The following ZNF347 variants were observed in gnomAD, a reference collection of about 807,000 sequenced individuals.
The protein encoded by ZNF347 is zinc finger protein 347.
ZNF347 carries 19 observed loss-of-function variants against 12.9 expected under a neutral mutation model. The observed-to-expected ratio is 1.47, with a 90% CI of 1.03 to 2.16. The LOEUF (loss-of-function observed/expected upper bound fraction) is 2.16. Ranked by LOEUF, ZNF347 falls within the 30% of genes most tolerant of loss-of-function variation. ZNF347 has a pLI of 0.00. For synonymous variants in ZNF347, 328 were observed against 340.6 expected, an observed-to-expected ratio of 0.96 and a Z score of 0.41; for missense variants, 1,005 against 990.6, an observed-to-expected ratio of 1.01 and a Z score of -0.19.
At position 53,148,811 on chromosome 19, in the gene ZNF347, T is replaced by C. The variant is rs1262649035; in HGVS notation, c.143-2A>G. ...TACTGAGGTCAAAACAAGAGATTCC[T>C]GCTTATGAAAAGAAAGGAAAACAAT... is the stretch of plus-strand genomic sequence containing the variant. On this transcript the variant is annotated splice_acceptor_variant, in intron 3 of 4. Coordinates refer to ENST00000334197, the MANE Select transcript of ZNF347 (RefSeq NM_032584.3). LOFTEE classifies it high-confidence loss of function. 1 of 1,612,554 alleles carries C rather than the reference T, an allele frequency of 6.2e-7. No homozygotes were observed. Among genetic ancestry groups the C allele is most frequent in the African/African-American group, 1.3e-5 (1 of 74,930 alleles).
chr19:53,149,411 T>C, intron 2 of ZNF347, 44 bp from the exon 3 acceptor site: 1 of 1,611,032 alleles, frequency 6.2e-7, no homozygotes, highest in Non-Finnish European at 8.5e-7. Context: ...AAGGAAAAGC[T>C]CCAATCTTCA....
chr19:53,153,849 G>T, intron 1 of ZNF347, 56 bp from the exon 2 acceptor site: 2 of 1,368,472 alleles, frequency 1.5e-6, no homozygotes, highest in Non-Finnish European at 2.1e-6. Flanking sequence ...AAAATGTGCT[G>T]TTTATTGCTC....
Position 53,140,816 on chromosome 19 carries a change from T to C in ZNF347, c.2012A>G (p.His671Arg), listed in dbSNP as rs970060564. 6.2e-6 allele frequency: 10 copies of C among 1,613,986 alleles called. No individual in the cohort carries two copies. The highest frequency in any genetic ancestry group is 2.2e-5 in the East Asian group (1 of 44,890). ...TTTACCTCCAGTATGAACTCTCCGA[T>C]GTCTTGCAAGGTGTGAATTCTGAGT... is the stretch of plus-strand genomic sequence containing the variant. ...VFTQNSHLAR[H>R]RRVHTGGKPY... The change falls in exon 5 of 5, where the codon CAT (histidine) becomes CGT (arginine). Residue 671 changes from histidine to arginine, a missense_variant. His to Arg is a conservative substitution (Grantham distance 29, BLOSUM62 0). Transcript: ENST00000334197.
chr19:53,155,655 A>G (rs62115501), intron 1 of ZNF347, among the ~76,000 whole-genome samples: 2 of 152,072 alleles, frequency 1.3e-5, no homozygotes, highest in Non-Finnish European at 2.9e-5. Flanking sequence ...GTCTTAATGG[A>G]GAACACCACT....
At chr19:53,155,470 G>A (rs896504031) in intron 1 of ZNF347, among the ~76,000 whole-genome samples, 2 of 151,770 alleles carry the variant, frequency 1.3e-5, no homozygotes, top group African/African-American at 4.8e-5. Flanking sequence ...GTAGCTGGGA[G>A]CGCAGGTGCA....
At position 53,137,485 on chromosome 19, in the gene ZNF347, G is replaced by A. The variant is rs1484653542; in HGVS notation, c.*2823C>T. On this transcript the variant is annotated 3_prime_UTR_variant, in exon 5 of 5. Coordinates refer to ENST00000334197, the MANE Select transcript of ZNF347 (RefSeq NM_032584.3). ...AAGCCATTTTGGACCAGTTTGGGAA[G>A]TCAATCCTGCTTCTCACAGAAAGCC... is the stretch of plus-strand genomic sequence containing the variant. 6.6e-6 allele frequency: 1 copy of A among 152,150 alleles called. No individual in the cohort carries two copies. The highest frequency in any genetic ancestry group is 1.9e-4 in the East Asian group (1 of 5,182). 9.4% of individuals were successfully genotyped at this position (152,150 alleles called of 1,614,324 possible).
At chr19:53,151,285 C>T (rs1015731321) in intron 2 of ZNF347, among the ~76,000 whole-genome samples, 1 of 152,048 alleles carries the variant, frequency 6.6e-6, no homozygotes, top group African/African-American at 2.4e-5. Context: ...CCTATAATCC[C>T]AGCACTTTGG....
intron 1 of ZNF347, among the ~76,000 whole-genome samples, chr19:53,158,327 A>G (rs928678827): frequency 3.3e-4 from 51 of 152,302 alleles, no homozygotes; most frequent in African/African-American, 1.2e-3. Flanking sequence ...AGGACCAGGC[A>G]GAGGACGCGG....
In ZNF347 at chr19:53,136,895, C is replaced by A. The variant is rs201276976; in HGVS notation, c.*3413G>T. ...TCCCTAACAAAGAAGTTAGAAATTT[C>A]TTTTGTTTTTTTGAGAGTCTCACTC... On this transcript the variant is annotated 3_prime_UTR_variant, in exon 5 of 5. Coordinates refer to ENST00000334197, the MANE Select transcript of ZNF347 (RefSeq NM_032584.3). 1 of 152,042 alleles carries A rather than the reference C, an allele frequency of 6.6e-6. No homozygotes were observed. Among genetic ancestry groups the A allele is most frequent in the Admixed American group, 6.6e-5 (1 of 15,240 alleles). The allele number at this position is 152,042 out of a possible 1,614,324, so 9.4% of individuals were successfully genotyped here.
At chr19:53,155,755 G>A (rs182658511) in intron 1 of ZNF347, among the ~76,000 whole-genome samples, 3 of 152,088 alleles carry the variant, frequency 2.0e-5, no homozygotes, top group African/African-American at 4.8e-5. Context: ...TTGATGGCAC[G>A]CATATTGTCC....
intron 2 of ZNF347, among the ~76,000 whole-genome samples, chr19:53,149,738 G>T (rs945207036): frequency 1.3e-5 from 2 of 152,124 alleles, no homozygotes; most frequent in Non-Finnish European, 2.9e-5. Flanking sequence ...AGCCAAAGAT[G>T]TAAGCAATCG....
chr19:53,134,948 A>T lies in ZNF347; in HGVS notation c.*5360T>A, dbSNP rs1440099774. On this transcript the variant is annotated 3_prime_UTR_variant, in exon 5 of 5. Transcript: ENST00000334197. ...ATATAGACTTAATTGATCTATAAAA[A>T]TATAGATTTAATACAAAGTTACCAC... 6.6e-6 allele frequency: 1 copy of T among 152,238 alleles called. No individual in the cohort carries two copies. The highest frequency in any genetic ancestry group is 6.5e-5 in the Admixed American group (1 of 15,282). The allele number at this position is 152,238 out of a possible 1,614,324, so 9.4% of individuals were successfully genotyped here.
At chr19:53,149,037 G>T (rs2090481022) in intron 3 of ZNF347, 3 of 1,179,272 alleles carry the variant, frequency 2.5e-6, no homozygotes, top group Admixed American at 3.0e-5. Flanking sequence ...CAGGGAATTG[G>T]ATATTTTAAA....
intron 1 of ZNF347, among the ~76,000 whole-genome samples, chr19:53,157,453 C>T (rs140094247): frequency 2.0e-5 from 3 of 152,014 alleles, no homozygotes; most frequent in East Asian, 1.9e-4. Context: ...TGGTTCTTTG[C>T]GCGTCGTTCT....
Position 53,140,801 on chromosome 19 carries a change from G to C in ZNF347, c.2027C>G (p.Thr676Ser). 1 of 1,613,724 alleles carries C rather than the reference G, an allele frequency of 6.2e-7. No homozygotes were observed. Among genetic ancestry groups the C allele is most frequent in the Non-Finnish European group, 8.5e-7 (1 of 1,179,760 alleles). ...ATTACACTGGTAAGGTTTACCTCCA[G>C]TATGAACTCTCCGATGTCTTGCAAG... ...SHLARHRRVH[T>S]GGKPYQCNEC... The change falls in exon 5 of 5, where the codon ACT becomes AGT. Residue 676 changes from threonine (T) to serine (S), a missense_variant. Physicochemically the swap from Thr to Ser is moderately conservative, Grantham distance 58. Coordinates refer to ENST00000334197, the MANE Select transcript of ZNF347 (RefSeq NM_032584.3).
In ZNF347 at chr19:53,141,949, C is replaced by T. The variant is rs1365800664; in HGVS notation, c.879G>A (p.Glu293=). The part of the protein sequence containing the change: ...HTKEKPYKCY[E]CGKAFRTRSN... The stretch of plus-strand genomic sequence containing the variant: ...AACGTGTTCTAAAGGCTTTGCCACA[C>T]TCATAACATTTGTAAGGTTTCTCTT... Residue 293 remains glutamate (E), a synonymous_variant, in exon 5 of 5, where the codon GAG becomes GAA. Coordinates refer to ENST00000334197, the MANE Select transcript of ZNF347 (RefSeq NM_032584.3). 6.2e-7 allele frequency: 1 copy of T among 1,613,896 alleles called. No individual in the cohort carries two copies. Among genetic ancestry groups the T allele is most frequent in the Non-Finnish European group, 8.5e-7 (1 of 1,179,960 alleles).
At chr19:53,150,564 C>G (rs2090490769) in intron 2 of ZNF347, among the ~76,000 whole-genome samples, 1 of 152,160 alleles carries the variant, frequency 6.6e-6, no homozygotes, top group South Asian at 2.1e-4. Context: ...GTCTAACACA[C>G]CAAGTGATAT....
chr19:53,140,441 C>G lies in ZNF347; in HGVS notation c.2387G>C (p.Gly796Ala). ...GCTTGAACAGATACTAAAGGGTTTC[C>G]CACACTCATATGGTTTCTCTCCGGT... ...IHTGEKPYEC[G>A]KPFSICSSLT... Residue 796 changes from glycine (G) to alanine (A), a missense_variant, in exon 5 of 5, where the codon GGG becomes GCG. Gly to Ala is a moderately conservative substitution (Grantham distance 60). Transcript: ENST00000334197. 1 of 1,614,032 alleles carries G rather than the reference C, an allele frequency of 6.2e-7. No homozygotes were observed. The highest frequency in any genetic ancestry group is 8.5e-7 in the Non-Finnish European group (1 of 1,179,972).
intron 4 of ZNF347, among the ~76,000 whole-genome samples, chr19:53,145,050 G>T (rs914212659): frequency 1.3e-5 from 2 of 152,048 alleles, no homozygotes; most frequent in African/African-American, 4.8e-5. Context: ...AGCACTTAGG[G>T]AGGCCAAAGT....
Sources: gnomAD v4.1 joint callset for allele counts (sites outside exome capture counted in the v4.1 genomes callset) on GRCh38, gnomAD v4.1.1 for gene constraint, MANE v1.5 for transcripts, NCBI Gene and HGNC (gene_info 2026-07-23, HGNC 2026-07-21) for gene names.